CHODL: variants seen among roughly 807,000 people sequenced by gnomAD.
CHODL encodes chondrolectin.
In CHODL, 29 loss-of-function variants were observed where a neutral mutation model predicts 34.5. That is an observed-to-expected ratio of 0.84 (90% CI 0.63 to 1.15). CHODL has a LOEUF of 1.15. Ranked by LOEUF, CHODL falls within the 50% of genes most tolerant of loss-of-function variation. CHODL has a pLI of 0.00. For synonymous variants in CHODL, 125 were observed against 116.1 expected (o/e 1.08, Z -0.49); for missense variants, 332 against 332.5 (o/e 1.00, Z 0.01).
intron 2 of CHODL, among the ~76,000 whole-genome samples, chr21:18,079,338 G>A (rs148117353): frequency 2.6e-4 from 39 of 148,036 alleles, no homozygotes; most frequent in African/African-American, 8.2e-4. Context: ...ATGATTTTAC[G>A]GTATATATAT....
rs1193673060 is a variant in CHODL, at chr21:18,047,462, C to T, written c.-45+19491C>T. Among the ~76,000 whole-genome samples, 3 of 151,870 alleles carry T rather than the reference C, an allele frequency of 2.0e-5. No individual in the cohort carries two copies. The East Asian group carries it at 5.8e-4, about 30-fold the overall frequency. ...TGGAATCTTTTCAACTATTAAAATACATTCAATTCCTTTTTATGGCTTGTA... is the reference window on the plus strand; with the variant it reads ...TGGAATCTTTTCAACTATTAAAATATATTCAATTCCTTTTTATGGCTTGTA... On this transcript the variant is annotated intron_variant, in intron 2 of 6. Transcript: ENST00000400127.
chr21:17,944,912 G>T (rs1344998724), intron 1 of CHODL, among the ~76,000 whole-genome samples: 1 of 152,064 alleles, frequency 6.6e-6, no homozygotes, highest in Admixed American at 6.6e-5. Context: ...AAATCATGAC[G>T]CTTCAGAAAG....
intron 2 of CHODL, among the ~76,000 whole-genome samples, chr21:18,045,038 G>T (rs9982038): frequency 0.024 from 3,656 of 151,922 alleles, 139 homozygotes; most frequent in African/African-American, 0.084. Flanking sequence ...AGATGAATCG[G>T]TGATAAGAAA....
At chr21:18,108,587 T>C (rs565397473) in intron 2 of CHODL, among the ~76,000 whole-genome samples, 1 of 152,288 alleles carries the variant, frequency 6.6e-6, no homozygotes, top group South Asian at 2.1e-4. Flanking sequence ...GGGAAGTATA[T>C]GAAGGGAACA....
At chr21:18,212,567 A>ATAAT (rs2073784783) in intron 2 of CHODL, among the ~76,000 whole-genome samples, 1 of 116,668 alleles carries the variant, frequency 8.6e-6, no homozygotes, top group Non-Finnish European at 1.7e-5. Context: ...TTAAACTACA[A>ATAAT]TAATTAATAA....
At chr21:18,131,666 A>G (rs1212243618) in intron 2 of CHODL, among the ~76,000 whole-genome samples, 2 of 152,262 alleles carry the variant, frequency 1.3e-5, no homozygotes, top group East Asian at 3.9e-4. Context: ...ATAGCACCAC[A>G]GTCCCTATAT....
intron 2 of CHODL, among the ~76,000 whole-genome samples, chr21:18,227,652 A>T (rs1335066827): frequency 1.3e-5 from 2 of 152,176 alleles, no homozygotes; most frequent in Non-Finnish European, 2.9e-5. Context: ...AGGGAAATTG[A>T]TATGTCCAGG....
chr21:17,988,361 C>T (rs1232906843), intron 1 of CHODL, among the ~76,000 whole-genome samples: 1 of 148,900 alleles, frequency 6.7e-6, no homozygotes, highest in African/African-American at 2.5e-5. Flanking sequence ...TTATTGTTTC[C>T]TGTGGGAAGT....
At chr21:18,104,305 G>C (rs1051963002) in intron 2 of CHODL, among the ~76,000 whole-genome samples, 1 of 152,226 alleles carries the variant, frequency 6.6e-6, no homozygotes, top group East Asian at 1.9e-4. Flanking sequence ...ATGATAGTGA[G>C]TTCTCATGAA....
intron 2 of CHODL, among the ~76,000 whole-genome samples, chr21:18,058,822 T>C (rs2064617924): frequency 6.6e-6 from 1 of 152,164 alleles, no homozygotes; most frequent in Non-Finnish European, 1.5e-5. Context: ...TTTGCCTCCT[T>C]TACAGGATAA....
chr21:18,249,533 T>C (rs182123659), intron 1 of CHODL, among the ~76,000 whole-genome samples: 31 of 152,304 alleles, frequency 2.0e-4, no homozygotes, highest in Admixed American at 1.4e-3. Context: ...GCACAAGCCT[T>C]GCTTATATTA....
chr21:18,098,991 G>A (rs529658131), intron 2 of CHODL, among the ~76,000 whole-genome samples: 8 of 152,122 alleles, frequency 5.3e-5, no homozygotes, highest in Admixed American at 2.0e-4. Context: ...GACAAACATC[G>A]TATATTCTCA....
chr21:18,098,276 C>A (rs1250241275), intron 2 of CHODL, among the ~76,000 whole-genome samples: 2 of 151,636 alleles, frequency 1.3e-5, no homozygotes, highest in Non-Finnish European at 2.9e-5. Flanking sequence ...AAGAGACAAC[C>A]CACAGAATGG....
chr21:18,188,508 G>A (rs1030953542), intron 2 of CHODL, among the ~76,000 whole-genome samples: 58 of 152,300 alleles, frequency 3.8e-4, no homozygotes, highest in Non-Finnish European at 7.1e-4. Context: ...AAACAAAATA[G>A]AAATCTTTAT....
At chr21:18,184,504 A>T (rs1293964678) in intron 2 of CHODL, among the ~76,000 whole-genome samples, 1 of 152,212 alleles carries the variant, frequency 6.6e-6, no homozygotes, top group African/African-American at 2.4e-5. Flanking sequence ...TGAAATAGGC[A>T]TTGGTTTAAA....
At chr21:18,109,413 G>A (rs1051682331) in intron 2 of CHODL, among the ~76,000 whole-genome samples, 3 of 152,060 alleles carry the variant, frequency 2.0e-5, no homozygotes, top group African/African-American at 7.2e-5. Context: ...AACAAGCAGA[G>A]AGAATGGAGA....
In CHODL at chr21:18,003,615, T is replaced by C. The variant is rs116523550; in HGVS notation, c.-144-24257T>C. Among the ~76,000 whole-genome samples, 1,293 of 152,312 alleles carry C rather than the reference T, an allele frequency of 8.5e-3. 15 individuals are homozygous for C. The highest frequency in any genetic ancestry group is 0.025 in the African/African-American group (1,041 of 41,564). ...ATGCACAATTTCTTTAATTCTGCCT[T>C]GTGGAAGTGCACACACATTAGTGGC... On this transcript the variant is annotated intron_variant, in intron 1 of 6. Transcript: ENST00000400127.
At chr21:17,948,896 A>G (rs550415127) in intron 1 of CHODL, among the ~76,000 whole-genome samples, 35 of 152,156 alleles carry the variant, frequency 2.3e-4, no homozygotes, top group Admixed American at 5.2e-4. Flanking sequence ...GTTCTTCGAG[A>G]CTCATTCTAC....
At chr21:17,976,270 G>GAAAAA (rs71318119) in intron 1 of CHODL, among the ~76,000 whole-genome samples, 4 of 66,522 alleles carry the variant, frequency 6.0e-5, no homozygotes, top group Admixed American at 1.9e-4. Flanking sequence ...GACCATCTCA[G>GAAAAA]AAAAAAAAAA....
Sources: gnomAD v4.1 joint callset for allele counts (sites outside exome capture counted in the v4.1 genomes callset) on GRCh38, gnomAD v4.1.1 for gene constraint, MANE v1.5 for transcripts, NCBI Gene and HGNC (gene_info 2026-07-23, HGNC 2026-07-21) for gene names.